Variants in DNAJC10 observed in about 807,000 individuals in gnomAD.
DNAJC10 encodes DnaJ heat shock protein family (Hsp40) member C10, also known as endoplasmic reticulum disulfide reductase DNAJC10.
A neutral mutation model predicts 115.0 loss-of-function variants in DNAJC10; 101 were observed. The ratio of observed to expected loss-of-function variants is 0.88; its 90% CI spans 0.75 to 1.04. The LOEUF (loss-of-function observed/expected upper bound fraction) is 1.04. Among genes scored for constraint, DNAJC10 ranks in the 50% least tolerant of loss-of-function variants. The probability of loss-of-function intolerance (pLI) is 0.00; values close to 1 mark genes in which losing one functional copy is unlikely to be tolerated. For synonymous variants in DNAJC10, 307 were observed against 301.5 expected (o/e 1.02, Z -0.19); for missense variants, 981 against 928.8 (o/e 1.06, Z -0.73).
chr2:182,737,209 T>C (rs996912381), intron 11 of DNAJC10, among the ~76,000 whole-genome samples: 1 of 152,180 alleles, frequency 6.6e-6, no homozygotes, highest in African/African-American at 2.4e-5. Flanking sequence ...AAACTGAAGC[T>C]CAATCTAGTT....
In DNAJC10 at chr2:182,793,565, T is replaced by A. The variant is rs1695089954; in HGVS notation, c.*16433T>A. 6.6e-6 allele frequency: 1 copy of A among 152,160 alleles called. No homozygotes were observed. The highest frequency in any genetic ancestry group is 2.4e-5 in the African/African-American group (1 of 41,436). 9.4% of individuals were successfully genotyped at this position (152,160 alleles called of 1,614,324 possible). A position where few individuals can be genotyped will look rare whatever the true frequency, so the allele number is the denominator to read the frequency against. On this transcript the variant is annotated 3_prime_UTR_variant, in exon 24 of 24. Transcript: ENST00000264065. Reference sequence around the variant, plus strand: ...AAATTAAGTACAGAAATAGCTTGATTGGTTACAGATAGGCATTTGCCTTAT... The same window carrying A: ...AAATTAAGTACAGAAATAGCTTGATAGGTTACAGATAGGCATTTGCCTTAT...
rs1033209412 is a variant in DNAJC10 at position 182,788,387 on chromosome 2, T to C, written c.*11255T>C. On this transcript the variant is annotated 3_prime_UTR_variant, in exon 24 of 24. Coordinates refer to ENST00000264065, the MANE Select transcript of DNAJC10 (RefSeq NM_018981.4). Reference sequence around the variant, plus strand: ...TGAAAATTCACCAAACGAGCTCTTATACTTTGGTTACCTATGTACCTGTTA... The same window carrying C: ...TGAAAATTCACCAAACGAGCTCTTACACTTTGGTTACCTATGTACCTGTTA... 4.0e-5 allele frequency: 8 copies of C among 200,964 alleles called. No individual in the cohort carries two copies. Among genetic ancestry groups the C allele is most frequent in the Admixed American group, 1.2e-4 (2 of 17,154 alleles). The allele number at this position is 200,964 out of a possible 1,614,324, so 12.4% of individuals were successfully genotyped here.
chr2:182,750,031 T>G (rs1206347857), intron 14 of DNAJC10, among the ~76,000 whole-genome samples: 2 of 152,164 alleles, frequency 1.3e-5, no homozygotes, highest in African/African-American at 4.8e-5. Context: ...AGGGCTGCTC[T>G]CAATATGGTA....
chr2:182,751,074 T>TA (rs1285346927), intron 14 of DNAJC10, among the ~76,000 whole-genome samples: 1 of 143,312 alleles, frequency 7.0e-6, no homozygotes, highest in South Asian at 2.3e-4. Flanking sequence ...AAGAACCCTA[T>TA]AAAAAAGTCA....
rs1296947210 is a variant in DNAJC10, at chr2:182,757,692, A to C, written c.1810A>C (p.Thr604Pro). 1.3e-6 allele frequency: 2 copies of C among 1,516,140 alleles called. No homozygotes were observed. Among genetic ancestry groups the C allele is most frequent in the Non-Finnish European group, 1.8e-6 (2 of 1,135,508 alleles). The allele number at this position is 1,516,140 out of a possible 1,614,324, so 93.9% of individuals were successfully genotyped here. The change falls in exon 19 of 24, where the codon ACA becomes CCA. Residue 604 changes from threonine (T) to proline (P), a missense_variant and splice_region_variant. Coordinates refer to ENST00000264065, the MANE Select transcript of DNAJC10 (RefSeq NM_018981.4). ...LMPEWKRMAR[T>P]LTGLINVGSI... ...AGGTAATCTGTTTTTTCTTTTACAG[A>C]CATTAACTGGACTGATCAACGTGGG...
intron 14 of DNAJC10, among the ~76,000 whole-genome samples, chr2:182,751,130 C>CTTTTTTTTTTTT (rs773393648): frequency 1.2e-5 from 1 of 85,180 alleles, no homozygotes; most frequent in Non-Finnish European, 2.1e-5. Flanking sequence ...GAGATTTTGA[C>CTTTTTTTTTTTT]TTTTTTTTTT....
At chr2:182,732,397 T>G (rs915058597) in intron 9 of DNAJC10, 102 bp from the exon 10 acceptor site, 1 of 1,064,326 alleles carries the variant, frequency 9.4e-7, no homozygotes, top group Non-Finnish European at 1.5e-6. Context: ...CTCAATTAAT[T>G]GCCTTCGAAT....
chr2:182,726,283 TTATAA>T (rs966232320), intron 5 of DNAJC10, among the ~76,000 whole-genome samples: 1 of 152,148 alleles, frequency 6.6e-6, no homozygotes, highest in Admixed American at 6.5e-5. Flanking sequence ...AATGATCTCA[TTATAA>T]TATAATTATC....
chr2:182,726,426 G>A (rs939212355), intron 5 of DNAJC10, among the ~76,000 whole-genome samples: 1 of 152,106 alleles, frequency 6.6e-6, no homozygotes, highest in African/African-American at 2.4e-5. Context: ...TGACAACAAA[G>A]GATTTAGAAT....
intron 13 of DNAJC10, among the ~76,000 whole-genome samples, chr2:182,743,223 C>T (rs185865645): frequency 4.1e-4 from 63 of 152,264 alleles, no homozygotes; most frequent in East Asian, 3.1e-3. Context: ...GTTGTGCTTA[C>T]GCTCTTCTTT....
In DNAJC10 at chr2:182,739,230, A is replaced by G. The variant is rs540432355; in HGVS notation, c.988-1069A>G. Among the ~76,000 whole-genome samples the G allele has an allele frequency of 1.2e-4, 17 of 146,370 alleles. No homozygotes were observed. In the East Asian group the frequency reaches 2.2e-3, roughly 19 times the overall value. ...TATTTATATATATAATATCTCATATATATTTATATATATATATATCTCATA... is the reference window on the plus strand; with the variant it reads ...TATTTATATATATAATATCTCATATGTATTTATATATATATATATCTCATA... On this transcript the variant is annotated intron_variant, in intron 11 of 23. Transcript: ENST00000264065.
rs749520487 is a variant in DNAJC10 at position 182,720,094 on chromosome 2, A to G, written c.292A>G (p.Lys98Glu). Residue 98 changes from lysine to glutamate, a missense_variant, in exon 4 of 24, where the codon AAA (lysine) becomes GAA (glutamate). Lys to Glu is a moderately conservative substitution (Grantham distance 56). Coordinates refer to ENST00000264065, the MANE Select transcript of DNAJC10 (RefSeq NM_018981.4). ...TGAAGATCTACGGAAAAAGTATGAC[A>G]AATATGGAGAAAAGGGACTTGAGGA... is the stretch of plus-strand genomic sequence containing the variant. ...KDEDLRKKYD[K>E]YGEKGLEDNQ... 6.2e-7 allele frequency: 1 copy of G among 1,611,428 alleles called. No individual in the cohort carries two copies. Among genetic ancestry groups the G allele is most frequent in the Non-Finnish European group, 8.5e-7 (1 of 1,178,002 alleles).
chr2:182,757,804 C>G lies in DNAJC10; in HGVS notation c.1922C>G (p.Ser641Ter). Residue 641 changes from serine (S) to a stop codon, truncating the protein, a stop_gained, in exon 19 of 24, where the codon TCA becomes TGA. Transcript: ENST00000264065. LOFTEE classifies it high-confidence loss of function. Reference sequence around the variant, plus strand: ...GAGATAAGATTTTTTCCCCCAAAATCAAATAAAGCTTATCATTATCAGTAA... The same window carrying G: ...GAGATAAGATTTTTTCCCCCAAAATGAAATAAAGCTTATCATTATCAGTAA... ...YPEIRFFPPKSNKAYHYHSYN... is the reference protein window; with the variant it reads ...YPEIRFFPPK 6.6e-7 allele frequency: 1 copy of G among 1,519,826 alleles called. No individual in the cohort carries two copies. Among genetic ancestry groups the G allele is most frequent in the Non-Finnish European group, 9.1e-7 (1 of 1,101,182 alleles). The allele number at this position is 1,519,826 out of a possible 1,614,324, so 94.1% of individuals were successfully genotyped here. A position where few individuals can be genotyped will look rare whatever the true frequency, so the allele number is the denominator to read the frequency against.
chr2:182,743,813 T>A, intron 14 of DNAJC10, 101 bp downstream of exon 14: 1 of 758,684 alleles, frequency 1.3e-6, no homozygotes. Flanking sequence ...ACATGCTTAT[T>A]GTAAATAACT....
chr2:182,784,699 C>A lies in DNAJC10; in HGVS notation c.*7567C>A, dbSNP rs917838475. The A allele has an allele frequency of 4.6e-5, 7 of 152,032 alleles. No homozygotes were observed. Among genetic ancestry groups the A allele is most frequent in the African/African-American group, 1.7e-4 (7 of 41,394 alleles). The allele number at this position is 152,032 out of a possible 1,614,324, so 9.4% of individuals were successfully genotyped here. A position where few individuals can be genotyped will look rare whatever the true frequency, so the allele number is the denominator to read the frequency against. ...GGCATTGTAGTTGATATTATAGTAA[C>A]CCTTTTAGATGTTAGTAACTTTTAT... On this transcript the variant is annotated 3_prime_UTR_variant, in exon 24 of 24. Coordinates refer to ENST00000264065, the MANE Select transcript of DNAJC10 (RefSeq NM_018981.4).
At chr2:182,756,767 T>C (rs1559018550) in intron 18 of DNAJC10, among the ~76,000 whole-genome samples, 4 of 152,080 alleles carry the variant, frequency 2.6e-5, no homozygotes, top group Non-Finnish European at 5.9e-5. Flanking sequence ...ACCACCCTAG[T>C]AGCTGGGATT....
chr2:182,716,636 C>T (rs1262440400), intron 1 of DNAJC10, among the ~76,000 whole-genome samples, 153 bp downstream of exon 1: 1 of 152,206 alleles, frequency 6.6e-6, no homozygotes, highest in Non-Finnish European at 1.5e-5. Flanking sequence ...CCTTCCTCCT[C>T]CCTGTTATTC....
chr2:182,728,643 T>C lies in DNAJC10; in HGVS notation c.486T>C (p.His162=). The change falls in exon 6 of 24, where the codon CAT becomes CAC. Residue 162 remains histidine (H), a synonymous_variant. Transcript: ENST00000264065. The part of the protein sequence containing the change: ...NFYSPGCSHC[H]DLAPTWRDFA... ...ACTCCCCAGGCTGTTCACACTGCCA[T>C]GATTTAGCTCCCACAGTATGTATTT... The C allele has an allele frequency of 1.2e-6, 2 of 1,612,420 alleles. No homozygotes were observed. Among genetic ancestry groups the C allele is most frequent in the East Asian group, 2.2e-5 (1 of 44,814 alleles).
intron 11 of DNAJC10, chr2:182,739,967 G>T (rs1693689796): frequency 1.0e-6 from 1 of 996,050 alleles, no homozygotes; most frequent in South Asian, 4.5e-5. Flanking sequence ...AGATAATGTG[G>T]TTTTTCTTGA....
Sources: gnomAD v4.1 joint callset for allele counts (sites outside exome capture counted in the v4.1 genomes callset) on GRCh38, gnomAD v4.1.1 for gene constraint, MANE v1.5 for transcripts, NCBI Gene and HGNC (gene_info 2026-07-23, HGNC 2026-07-21) for gene names.